PDE4D: variants seen among roughly 807,000 people sequenced by gnomAD.
The protein encoded by PDE4D is 3',5'-cyclic-AMP phosphodiesterase 4D.
A neutral mutation model predicts 87.4 loss-of-function variants in PDE4D; 24 were observed. The ratio of observed to expected loss-of-function variants is 0.27; its 90% confidence interval spans 0.20 to 0.39. PDE4D has a LOEUF of 0.39. Among genes scored for constraint, PDE4D ranks in the 10% least tolerant of loss-of-function variants. The pLI, the probability that PDE4D is intolerant of heterozygous loss-of-function variation, is 1.00. For missense variants in PDE4D, 714 were observed against 1,041.0 expected (o/e 0.69, Z 4.32); for synonymous variants, 384 against 383.2 (o/e 1.00, Z -0.02).
At chr5:60,098,662 G>GT (rs931879634) in intron 2 of PDE4D, among the ~76,000 whole-genome samples, 2 of 151,978 alleles carry the variant, frequency 1.3e-5, no homozygotes, top group African/African-American at 4.8e-5. Flanking sequence ...TTAATTTTAA[G>GT]TTTTTTGATG....
rs75906369 is a variant in PDE4D at position 59,884,539 on chromosome 5, A to C, written c.455+8629T>G. On this transcript the variant is annotated intron_variant, in intron 1 of 14. Transcript: ENST00000340635. The stretch of plus-strand genomic sequence containing the variant: ...ACAGATATATCATCATTTATTTTAC[A>C]ATTTCTGTCCTGAAAGATATTTGGG... Among the ~76,000 whole-genome samples the C allele has an allele frequency of 4.9e-3, 742 of 152,088 alleles. 8 individuals carry two copies. Among genetic ancestry groups the C allele is most frequent in the African/African-American group, 0.017 (700 of 41,558 alleles).
At chr5:59,895,014 G>A (rs552322710), upstream of PDE4D, among the ~76,000 whole-genome samples, 2 of 152,232 alleles carry the variant, frequency 1.3e-5, no homozygotes, top group African/African-American at 4.8e-5. Context: ...TTATTTGAAC[G>A]ATAATATATT....
intron 2 of PDE4D, among the ~76,000 whole-genome samples, chr5:60,007,113 T>C (rs769434463): frequency 4.6e-5 from 7 of 152,034 alleles, no homozygotes; most frequent in Non-Finnish European, 7.4e-5. Context: ...TACTTAACTA[T>C]GTGTTCCTTT....
intron 5 of PDE4D, among the ~76,000 whole-genome samples, chr5:59,097,609 C>T (rs1769978063): frequency 1.3e-5 from 2 of 152,158 alleles, no homozygotes; most frequent in South Asian, 4.1e-4. Context: ...TAGAAGAAAG[C>T]TTTTTTCTTA....
At chr5:60,480,195 C>T (rs886988440) in intron 1 of PDE4D, among the ~76,000 whole-genome samples, 9 of 152,226 alleles carry the variant, frequency 5.9e-5, no homozygotes, top group Non-Finnish European at 1.0e-4. Context: ...ATACAGGGAT[C>T]CTTTTGTAAA....
intron 5 of PDE4D, among the ~76,000 whole-genome samples, chr5:59,118,202 G>A (rs886908957): frequency 2.6e-5 from 4 of 152,088 alleles, no homozygotes; most frequent in East Asian, 1.9e-4. Flanking sequence ...TTTCTTGAAC[G>A]TATCAGGTAT....
At chr5:60,472,664 A>G (rs1747900459) in intron 1 of PDE4D, among the ~76,000 whole-genome samples, 1 of 152,088 alleles carries the variant, frequency 6.6e-6, no homozygotes, top group Non-Finnish European at 1.5e-5. Context: ...GCTTCCACTC[A>G]AGCCTATTTC....
At chr5:60,394,976 C>T (rs1442218468) in intron 1 of PDE4D, among the ~76,000 whole-genome samples, 1 of 152,116 alleles carries the variant, frequency 6.6e-6, no homozygotes, top group Non-Finnish European at 1.5e-5. Context: ...ACATTTTCGC[C>T]TTCAGGGTAG....
intron 5 of PDE4D, among the ~76,000 whole-genome samples, chr5:59,047,338 A>G (rs983294916): frequency 2.0e-5 from 3 of 152,234 alleles, no homozygotes; most frequent in Non-Finnish European, 4.4e-5. Context: ...AACACAGGCC[A>G]TTCAGGAAGC....
At chr5:60,365,457 T>C (rs1760438581) in intron 1 of PDE4D, among the ~76,000 whole-genome samples, 1 of 152,042 alleles carries the variant, frequency 6.6e-6, no homozygotes, top group South Asian at 2.1e-4. Context: ...TCCCTACCAC[T>C]CCTTACGGTT....
chr5:60,429,649 G>GT (rs1340104938), intron 1 of PDE4D, among the ~76,000 whole-genome samples: 1 of 152,118 alleles, frequency 6.6e-6, no homozygotes, highest in Non-Finnish European at 1.5e-5. Flanking sequence ...TCAATGCCTA[G>GT]TTTTTTGAAG....
At chr5:60,076,236 G>A (rs1291686381) in intron 2 of PDE4D, among the ~76,000 whole-genome samples, 3 of 151,814 alleles carry the variant, frequency 2.0e-5, no homozygotes, top group African/African-American at 7.3e-5. Context: ...TCGGCTCACT[G>A]CAAGCTCCGT....
intron 6 of PDE4D, among the ~76,000 whole-genome samples, chr5:59,012,664 A>T (rs924494562): frequency 6.6e-6 from 1 of 152,198 alleles, no homozygotes; most frequent in Non-Finnish European, 1.5e-5. Flanking sequence ...AAGTCCTTAG[A>T]GACCTACTAA....
rs544865742 is a variant in PDE4D, at chr5:59,681,498, C to T, written c.455+211670G>A. ...CACATCTTGGAAGCTTAGACCAAAA[C>T]GCAACAGTGTTAAGAGTTGGGACAT... On this transcript the variant is annotated intron_variant, in intron 1 of 14. Coordinates refer to ENST00000340635, the MANE Select transcript of PDE4D (RefSeq NM_001104631.2). Among the ~76,000 whole-genome samples, 8 of 152,256 alleles carry T rather than the reference C, an allele frequency of 5.3e-5. No homozygotes were observed. The South Asian group carries it at 1.2e-3, about 24-fold the overall frequency.
At chr5:59,801,631 C>T (rs1367021474) in intron 1 of PDE4D, among the ~76,000 whole-genome samples, 5 of 152,108 alleles carry the variant, frequency 3.3e-5, no homozygotes, top group Non-Finnish European at 7.4e-5. Flanking sequence ...GTCATTACAA[C>T]CAGAATGACA....
chr5:59,496,761 C>G (rs1182954447), intron 1 of PDE4D, among the ~76,000 whole-genome samples: 1 of 152,182 alleles, frequency 6.6e-6, no homozygotes, highest in African/African-American at 2.4e-5. Flanking sequence ...TCGCTCACCT[C>G]TCTCATCCCT....
chr5:60,175,891 G>C (rs1216822288), intron 2 of PDE4D, among the ~76,000 whole-genome samples: 1 of 152,106 alleles, frequency 6.6e-6, no homozygotes, highest in Non-Finnish European at 1.5e-5. Flanking sequence ...CCTGGGGATA[G>C]AGCATTACTT....
chr5:60,148,855 G>C (rs1004656035), intron 2 of PDE4D, among the ~76,000 whole-genome samples: 1 of 152,116 alleles, frequency 6.6e-6, no homozygotes, highest in African/African-American at 2.4e-5. Flanking sequence ...AGCCAGACTT[G>C]CAAAAAATTC....
At chr5:58,982,217 T>C (rs968963464) in intron 11 of PDE4D, among the ~76,000 whole-genome samples, 5 of 152,168 alleles carry the variant, frequency 3.3e-5, no homozygotes, top group Non-Finnish European at 5.9e-5. Context: ...ATTCTGGTTA[T>C]GCGAGAAATA....
Sources: allele counts gnomAD v4.1 joint callset (sites outside exome capture counted in the v4.1 genomes callset), GRCh38; gene constraint gnomAD v4.1.1; transcripts MANE v1.5; gene names NCBI Gene and HGNC (gene_info 2026-07-23, HGNC 2026-07-21).